Variants in ZMIZ1 observed in about 807,000 individuals in gnomAD.
ZMIZ1 encodes the protein zinc finger MIZ domain-containing protein 1.
ZMIZ1 carries 17 observed loss-of-function variants against 113.9 expected under a neutral mutation model. The ratio of observed to expected loss-of-function variants is 0.15; its 90% CI spans 0.10 to 0.22. The LOEUF is 0.22. Ranked by LOEUF, ZMIZ1 falls within the 10% of genes least tolerant of loss-of-function variation. The pLI, the probability that ZMIZ1 is intolerant of heterozygous loss-of-function variation, is 1.00. For missense variants in ZMIZ1, 1,059 were observed against 1,477.8 expected (o/e 0.72, Z 4.65); for synonymous variants, 607 against 603.1 (o/e 1.01, Z -0.09).
intron 1 of ZMIZ1, among the ~76,000 whole-genome samples, chr10:79,102,840 G>A (rs566389180): frequency 4.9e-4 from 74 of 152,342 alleles, no homozygotes; most frequent in African/African-American, 1.2e-3. Flanking sequence ...TGACAGAATC[G>A]TAGCTGTTCA....
intron 7 of ZMIZ1, among the ~76,000 whole-genome samples, chr10:79,264,859 C>T (rs556703021): frequency 2.0e-5 from 3 of 152,338 alleles, no homozygotes; most frequent in Non-Finnish European, 4.4e-5. Context: ...GGGGCATTCC[C>T]TTTCTGTGGA....
intron 4 of ZMIZ1, among the ~76,000 whole-genome samples, chr10:79,192,837 C>T (rs60613031): frequency 3.9e-5 from 6 of 152,320 alleles, no homozygotes; most frequent in Non-Finnish European, 8.8e-5. Flanking sequence ...TGTGCAATGA[C>T]TCACGCTGGC....
At chr10:79,269,924 G>A (rs1851850601) in intron 7 of ZMIZ1, among the ~76,000 whole-genome samples, 1 of 152,218 alleles carries the variant, frequency 6.6e-6, no homozygotes, top group Admixed American at 6.5e-5. Flanking sequence ...GCTAACAAAG[G>A]CTGGTCACTC....
intron 7 of ZMIZ1, among the ~76,000 whole-genome samples, chr10:79,251,060 A>G (rs965049598): frequency 2.6e-5 from 4 of 152,084 alleles, no homozygotes; most frequent in Admixed American, 6.5e-5. Context: ...CATTGTAGAG[A>G]TCGAGGAGGT....
In ZMIZ1 at chr10:79,299,510, G is replaced by A. The variant is rs375512904; in HGVS notation, c.1808+319G>A. On this transcript the variant is annotated intron_variant, in intron 16 of 24. Coordinates refer to ENST00000334512, the MANE Select transcript of ZMIZ1 (RefSeq NM_020338.4). ...AGACCGTGAGCTGACAAGAGGGAAC[G>A]CAGTCAAGAATTCGAGTGTGACTCA... Among the ~76,000 whole-genome samples, 513 of 152,354 alleles carry A rather than the reference G, an allele frequency of 3.4e-3. 33 individuals are homozygous for A. The South Asian group carries it at 0.1, about 31-fold the overall frequency.
chr10:79,201,684 A>G lies in ZMIZ1; in HGVS notation c.52A>G (p.Ile18Val). Residue 18 changes from isoleucine to valine, a missense_variant, in exon 5 of 25, where the codon ATC (isoleucine) becomes GTC (valine). Physicochemically the swap from Ile to Val is conservative, Grantham distance 29 (BLOSUM62 3). Around this residue, in one of 6 missense-constraint regions of ZMIZ1, gnomAD observed 272 missense variants for 350.4 expected, o/e 0.78. Transcript: ENST00000334512. ...GCAGACCAATGACCGACTGCAGTGC[A>G]TCAAGCAGGTGGGTGTGGGGCAAGG... ...IQQTNDRLQC[I>V]KQHLQNPANF... is the part of the protein sequence containing the mutation. The G allele has an allele frequency of 6.2e-7, 1 of 1,613,284 alleles. No individual in the cohort carries two copies. Among genetic ancestry groups the G allele is most frequent in the Non-Finnish European group, 8.5e-7 (1 of 1,179,862 alleles).
chr10:79,188,034 C>T (rs1045709140), intron 4 of ZMIZ1, among the ~76,000 whole-genome samples: 1 of 152,222 alleles, frequency 6.6e-6, no homozygotes, highest in Non-Finnish European at 1.5e-5. Flanking sequence ...GATGGTGCCA[C>T]TCATTCATTC....
Position 79,305,211 on chromosome 10 carries a change from C to T in ZMIZ1, c.2334C>T (p.Thr778=), listed in dbSNP as rs1248637564. 2.5e-6 allele frequency: 4 copies of T among 1,614,040 alleles called. No homozygotes were observed. Among genetic ancestry groups the T allele is most frequent in the African/African-American group, 1.3e-5 (1 of 74,922 alleles). The change falls in exon 20 of 25, where the codon ACC becomes ACT. Residue 778 remains threonine (T), a synonymous_variant. Transcript: ENST00000334512. The stretch of plus-strand genomic sequence containing the variant: ...TGCAGCTGAATTGCGAGAGAGGGAC[C>T]TGGAGGTGTCCTGTGTGCAAGTGAG... The part of the protein sequence containing the change: ...SYLQLNCERG[T]WRCPVCNKTA...
intron 1 of ZMIZ1, among the ~76,000 whole-genome samples, chr10:79,080,370 G>A (rs1280560755): frequency 1.4e-5 from 2 of 140,186 alleles, no homozygotes; most frequent in South Asian, 4.5e-4. Flanking sequence ...TCAGTGGCAC[G>A]ATCTCGGCTC....
At chr10:79,185,850 G>T (rs1847330822) in intron 4 of ZMIZ1, among the ~76,000 whole-genome samples, 1 of 152,038 alleles carries the variant, frequency 6.6e-6, no homozygotes, top group African/African-American at 2.4e-5. Context: ...GGTTTGGGCA[G>T]CATCTGGAGT....
intron 13 of ZMIZ1, 105 bp from the exon 14 acceptor site, chr10:79,297,508 C>G: frequency 1.0e-6 from 1 of 954,978 alleles, no homozygotes; most frequent in Non-Finnish European, 1.7e-6. Flanking sequence ...GGATGGGCCC[C>G]TGTAGCATCC....
chr10:79,310,965 A>G lies in ZMIZ1; in HGVS notation c.2877A>G (p.Ile959Met). The G allele has an allele frequency of 6.2e-7, 1 of 1,613,246 alleles. No individual in the cohort carries two copies. The highest frequency in any genetic ancestry group is 1.3e-5 in the African/African-American group (1 of 74,712). The change falls in exon 24 of 25, where the codon ATA (isoleucine) becomes ATG (methionine). Residue 959 changes from isoleucine to methionine, a missense_variant. Physicochemically the swap from Ile to Met is conservative, Grantham distance 10 (BLOSUM62 1). Around this residue, in one of 6 missense-constraint regions of ZMIZ1, gnomAD observed 225 missense variants for 276.0 expected, o/e 0.82. Coordinates refer to ENST00000334512, the MANE Select transcript of ZMIZ1 (RefSeq NM_020338.4). ...GCTCTGACCAGCCCCACCCCTCCATACAACAAGGTTTGCACGTACCACACC... is the reference window on the plus strand; with the variant it reads ...GCTCTGACCAGCCCCACCCCTCCATGCAACAAGGTTTGCACGTACCACACC... ...AGSSDQPHPS[I>M]QQGLHVPHPS...
At chr10:79,312,375 C>T (rs1855234952) in intron 24 of ZMIZ1, among the ~76,000 whole-genome samples, 1 of 152,272 alleles carries the variant, frequency 6.6e-6, no homozygotes, top group African/African-American at 2.4e-5. Context: ...AAAGGGTCAG[C>T]CCTGCTCAGG....
At chr10:79,101,756 A>T (rs556028860) in intron 1 of ZMIZ1, among the ~76,000 whole-genome samples, 1 of 152,188 alleles carries the variant, frequency 6.6e-6, no homozygotes, top group African/African-American at 2.4e-5. Context: ...ATCATCTGCC[A>T]TGAAGACAGC....
At chr10:79,197,581 G>A (rs1419791945) in intron 4 of ZMIZ1, among the ~76,000 whole-genome samples, 46 of 137,600 alleles carry the variant, frequency 3.3e-4, no homozygotes, top group Non-Finnish European at 3.0e-5. Flanking sequence ...TTACGCCCCT[G>A]CCAACCCAGA....
chr10:79,169,574 A>T (rs1341263079), intron 4 of ZMIZ1, among the ~76,000 whole-genome samples: 3 of 152,178 alleles, frequency 2.0e-5, no homozygotes, highest in African/African-American at 4.8e-5. Flanking sequence ...CTGCCCAGAC[A>T]CCTCCATTGC....
chr10:79,111,182 C>T (rs1589282738), intron 1 of ZMIZ1, among the ~76,000 whole-genome samples: 1 of 152,146 alleles, frequency 6.6e-6, no homozygotes, highest in African/African-American at 2.4e-5. Flanking sequence ...TGTCCCCATC[C>T]TAGCAGGGGC....
intron 7 of ZMIZ1, among the ~76,000 whole-genome samples, chr10:79,237,084 G>A (rs1186364921): frequency 6.6e-6 from 1 of 152,194 alleles, no homozygotes; most frequent in Non-Finnish European, 1.5e-5. Context: ...CCTGCAGGAT[G>A]CGGGGATGTG....
At chr10:79,170,319 A>G (rs929236753) in intron 4 of ZMIZ1, among the ~76,000 whole-genome samples, 4 of 151,892 alleles carry the variant, frequency 2.6e-5, no homozygotes, top group Non-Finnish European at 5.9e-5. Context: ...TGCCCTTAAA[A>G]CCTCATGACA....
Sources: allele counts gnomAD v4.1 joint callset (sites outside exome capture counted in the v4.1 genomes callset), GRCh38; gene constraint gnomAD v4.1.1; regional missense constraint gnomAD v4.1.1; transcripts MANE v1.5; gene names NCBI Gene and HGNC (gene_info 2026-07-23, HGNC 2026-07-21).